Variants in PAK5 observed in about 807,000 individuals in gnomAD.
PAK5 encodes p21 (RAC1) activated kinase 5.
In PAK5, 16 loss-of-function variants were observed where a neutral mutation model predicts 65.9. That is an observed-to-expected ratio of 0.24 (90% CI 0.16 to 0.37). The LOEUF (loss-of-function observed/expected upper bound fraction) is 0.37. Among genes scored for constraint, PAK5 ranks in the 10% least tolerant of loss-of-function variants. PAK5 has a pLI of 1.00. For synonymous variants in PAK5, 371 were observed against 354.9 expected (o/e 1.05, Z -0.51); for missense variants, 785 against 903.9 (o/e 0.87, Z 1.69).
At chr20:9,833,853 T>C (rs1001251235) in intron 1 of PAK5, among the ~76,000 whole-genome samples, 6 of 152,216 alleles carry the variant, frequency 3.9e-5, no homozygotes, top group African/African-American at 1.4e-4. Flanking sequence ...CAAAGACTTT[T>C]ATATATTTCT....
intron 2 of PAK5, among the ~76,000 whole-genome samples, chr20:9,651,564 G>A (rs914152729): frequency 2.6e-5 from 4 of 152,234 alleles, no homozygotes; most frequent in Non-Finnish European, 5.9e-5. Context: ...ATGGTCACAC[G>A]AAAGTGTGAA....
intron 1 of PAK5, among the ~76,000 whole-genome samples, chr20:9,746,147 A>T (rs2048505342): frequency 2.0e-5 from 3 of 152,150 alleles, no homozygotes; most frequent in African/African-American, 7.2e-5. Context: ...TATCCAAAGG[A>T]CAAACTTCCC....
At chr20:9,793,160 A>C (rs915907971) in intron 1 of PAK5, among the ~76,000 whole-genome samples, 7 of 152,072 alleles carry the variant, frequency 4.6e-5, no homozygotes, top group African/African-American at 1.7e-4. Context: ...TTTGGAGCTG[A>C]CTTTATCCAT....
At chr20:9,757,749 A>G (rs2123637413) in intron 1 of PAK5, among the ~76,000 whole-genome samples, 1 of 152,310 alleles carries the variant, frequency 6.6e-6, no homozygotes, top group East Asian at 1.9e-4. Flanking sequence ...ATTTTTATGC[A>G]CATGTATACT....
chr20:9,557,093 T>C (rs540793226), intron 7 of PAK5, among the ~76,000 whole-genome samples: 2 of 152,244 alleles, frequency 1.3e-5, no homozygotes, highest in Admixed American at 1.3e-4. Context: ...GTAGTAGGAG[T>C]AATGTTCCAT....
chr20:9,634,871 C>A (rs780777898), intron 3 of PAK5, among the ~76,000 whole-genome samples: 7 of 152,092 alleles, frequency 4.6e-5, no homozygotes, highest in Non-Finnish European at 8.8e-5. Flanking sequence ...CAGGAAGTAA[C>A]AGGCACCAAG....
chr20:9,713,270 A>G (rs1226585562), intron 1 of PAK5, among the ~76,000 whole-genome samples: 1 of 152,278 alleles, frequency 6.6e-6, no homozygotes, highest in Non-Finnish European at 1.5e-5. Context: ...AATGCTCAAC[A>G]TCACTAATCA....
chr20:9,577,812 C>A (rs1332375988), intron 4 of PAK5: 1 of 152,134 alleles, frequency 6.6e-6, no homozygotes, highest in African/African-American at 2.4e-5. Flanking sequence ...GGGCTGAACA[C>A]CCTTGGTAGA....
chr20:9,783,746 G>A (rs184247678), intron 1 of PAK5, among the ~76,000 whole-genome samples: 12 of 152,196 alleles, frequency 7.9e-5, no homozygotes, highest in Admixed American at 7.2e-4. Context: ...GCAATACAAT[G>A]TTGTAACTCT....
At position 9,565,919 on chromosome 20, in the gene PAK5, G is replaced by C. The variant is rs2122991786; in HGVS notation, c.1456C>G (p.Gln486Glu). ...TCATTGAAAAGCAGTTCTCGTCTCT[G>C]TTGCTTCCGGAGGTCCATTTTCTTC... is the stretch of plus-strand genomic sequence containing the variant. Reference protein sequence around the residue: ...AVKKMDLRKQQRRELLFNEVV... With the variant: ...AVKKMDLRKQERRELLFNEVV... The change falls in exon 5 of 10, where the codon CAG (glutamine) becomes GAG (glutamate). Residue 486 changes from glutamine to glutamate, a missense_variant. Gln to Glu is a conservative substitution (Grantham distance 29). Coordinates refer to ENST00000353224, the MANE Select transcript of PAK5 (RefSeq NM_177990.4). The C allele has an allele frequency of 6.2e-7, 1 of 1,613,522 alleles. No homozygotes were observed. The highest frequency in any genetic ancestry group is 8.5e-7 in the Non-Finnish European group (1 of 1,179,658).
At chr20:9,770,517 G>C (rs1470673040) in intron 1 of PAK5, among the ~76,000 whole-genome samples, 1 of 152,124 alleles carries the variant, frequency 6.6e-6, no homozygotes, top group Admixed American at 6.5e-5. Context: ...CCAGCACAAT[G>C]GTGTGTTTCA....
chr20:9,567,784 TAC>T (rs1451070984), intron 4 of PAK5, among the ~76,000 whole-genome samples: 3 of 152,324 alleles, frequency 2.0e-5, no homozygotes, highest in Non-Finnish European at 2.9e-5. Context: ...CCAGTAAATA[TAC>T]AGTGTGTGTT....
intron 3 of PAK5, among the ~76,000 whole-genome samples, chr20:9,586,921 T>C (rs1344166292): frequency 6.6e-6 from 1 of 152,180 alleles, no homozygotes; most frequent in Non-Finnish European, 1.5e-5. Flanking sequence ...TTATTTTGTA[T>C]CTTAGGCTTA....
Position 9,823,351 on chromosome 20 carries a change from G to A in PAK5, c.-162+15411C>T, listed in dbSNP as rs1179681777. Among the ~76,000 whole-genome samples, 3 of 152,280 alleles carry A rather than the reference G, an allele frequency of 2.0e-5. No individual in the cohort carries two copies. The East Asian group carries it at 5.8e-4, about 29-fold the overall frequency. ...TGTATTTTGTTATAGCAGCAGGAATGGACTGACAGTTTCTGATATGGTTTG... is the reference window on the plus strand; with the variant it reads ...TGTATTTTGTTATAGCAGCAGGAATAGACTGACAGTTTCTGATATGGTTTG... On this transcript the variant is annotated intron_variant, in intron 1 of 9. Coordinates refer to ENST00000353224, the MANE Select transcript of PAK5 (RefSeq NM_177990.4).
chr20:9,642,059 G>A (rs973859333), intron 3 of PAK5, among the ~76,000 whole-genome samples: 49 of 152,202 alleles, frequency 3.2e-4, no homozygotes, highest in Admixed American at 6.5e-5. Context: ...GGGGGCTGAA[G>A]GGCTCCTCAA....
intron 1 of PAK5, among the ~76,000 whole-genome samples, chr20:9,836,870 A>G (rs1968409797): frequency 2.0e-5 from 3 of 152,192 alleles, no homozygotes; most frequent in South Asian, 2.1e-4. Flanking sequence ...GGACTGTTCT[A>G]TAAGTGAGGA....
chr20:9,628,578 C>T (rs1317182762), intron 3 of PAK5, among the ~76,000 whole-genome samples: 1 of 152,184 alleles, frequency 6.6e-6, no homozygotes, highest in Non-Finnish European at 1.5e-5. Context: ...TTCTTTCTCC[C>T]TCACTAGACT....
intron 3 of PAK5, among the ~76,000 whole-genome samples, chr20:9,611,653 CTGTT>C (rs950466123): frequency 2.0e-4 from 31 of 152,210 alleles, no homozygotes; most frequent in African/African-American, 7.5e-4. Context: ...TTCAGCCTGT[CTGTT>C]TGTTTTTATT....
chr20:9,583,317 A>G (rs945632696), intron 3 of PAK5, among the ~76,000 whole-genome samples: 4 of 152,224 alleles, frequency 2.6e-5, no homozygotes, highest in Admixed American at 6.5e-5. Context: ...AGTAAAAAAC[A>G]TGGGCCCCAC....
Sources: allele counts gnomAD v4.1 joint callset (sites outside exome capture counted in the v4.1 genomes callset), GRCh38; gene constraint gnomAD v4.1.1; transcripts MANE v1.5; gene names NCBI Gene and HGNC (gene_info 2026-07-23, HGNC 2026-07-21).